The following HRH2 variants were observed in gnomAD, a reference collection of about 807,000 sequenced individuals.
HRH2 encodes histamine H2 receptor.
Under a neutral mutation model 20.1 loss-of-function variants are expected in HRH2, and 4 were observed. The ratio of observed to expected loss-of-function variants is 0.20; its 90% CI spans 0.10 to 0.45. The LOEUF (loss-of-function observed/expected upper bound fraction) is 0.45. Ranked by LOEUF, HRH2 falls within the 20% of genes least tolerant of loss-of-function variation. The pLI, the probability that HRH2 is intolerant of heterozygous loss-of-function variation, is 0.99. For synonymous variants in HRH2, 197 were observed against 200.7 expected (o/e 0.98, Z 0.16); for missense variants, 250 against 461.6 (o/e 0.54, Z 4.20).
At position 175,683,725 on chromosome 5, in the gene HRH2, C is replaced by A. The variant is rs187018887; in HGVS notation, c.492C>A (p.Thr164=). Residue 164 remains threonine (T), a synonymous_variant, in exon 2 of 3, where the codon ACC becomes ACA. Coordinates refer to ENST00000636584, the MANE Select transcript of HRH2 (RefSeq NM_001367711.1). ...TGGGGTGGAACAGCAGGAACGAGAC[C>A]AGCAAGGGCAATCATACCACCTCTA... is the stretch of plus-strand genomic sequence containing the variant. The part of the protein sequence containing the change: ...IHLGWNSRNE[T]SKGNHTTSKC... 3.2e-5 allele frequency: 52 copies of A among 1,614,162 alleles called. No individual in the cohort carries two copies. In the African/African-American group the frequency reaches 6.5e-4, roughly 20 times the overall value.
chr5:175,660,200 A>T (rs1762697731), intron 1 of HRH2, among the ~76,000 whole-genome samples: 1 of 152,226 alleles, frequency 6.6e-6, no homozygotes. Flanking sequence ...TAGAGGAAGA[A>T]ATCCCTGATG....
At chr5:175,692,568 A>G (rs1756423852) in intron 2 of HRH2, among the ~76,000 whole-genome samples, 1 of 152,262 alleles carries the variant, frequency 6.6e-6, no homozygotes, top group South Asian at 2.1e-4. Flanking sequence ...TGCCTGGCAC[A>G]GAGCAAATGC....
At position 175,681,883 on chromosome 5, in the gene HRH2, C is replaced by T. The variant is rs1214633884; in HGVS notation, c.-525-826C>T. On this transcript the variant is annotated intron_variant, in intron 1 of 2. Coordinates refer to ENST00000636584, the MANE Select transcript of HRH2 (RefSeq NM_001367711.1). This position sits in a 1 kb window ranked among gnomAD's most constrained non-coding sequence, Gnocchi z 4.3. ...GTAAGACCAGTAAGATTTAGAGATG[C>T]GTTCGGAGCAGGGGTGGCGTGGATG... Among the ~76,000 whole-genome samples the T allele has an allele frequency of 1.3e-5, 2 of 152,250 alleles. No homozygotes were observed. Among genetic ancestry groups the T allele is most frequent in the South Asian group, 2.1e-4 (1 of 4,824 alleles).
chr5:175,683,148 C>G lies in HRH2; in HGVS notation c.-86C>G. ...TTTGGATCTGTTGGGAGCTTGGAGT[C>G]CAGTGGTTGGCATAGTTGTCACATT... is the stretch of plus-strand genomic sequence containing the variant. On this transcript the variant is annotated 5_prime_UTR_variant, in exon 2 of 3. Coordinates refer to ENST00000636584, the MANE Select transcript of HRH2 (RefSeq NM_001367711.1). 7.0e-7 allele frequency: 1 copy of G among 1,419,076 alleles called. No homozygotes were observed. Among genetic ancestry groups the G allele is most frequent in the Non-Finnish European group, 9.5e-7 (1 of 1,052,682 alleles). The allele number at this position is 1,419,076 out of a possible 1,614,324, so 87.9% of individuals were successfully genotyped here.
At chr5:175,690,787 C>T (rs113184525) in intron 2 of HRH2, among the ~76,000 whole-genome samples, 12 of 152,270 alleles carry the variant, frequency 7.9e-5, no homozygotes, top group East Asian at 7.7e-4. Flanking sequence ...ACCTTCACAC[C>T]GAGGTGGCCA....
chr5:175,663,228 C>T (rs972269502), intron 1 of HRH2, among the ~76,000 whole-genome samples: 3 of 152,122 alleles, frequency 2.0e-5, no homozygotes, highest in Admixed American at 6.5e-5. Context: ...TTTGACTTGG[C>T]GCCTGTTTGA....
chr5:175,701,111 C>T (rs1756776126), intron 2 of HRH2, among the ~76,000 whole-genome samples: 2 of 152,076 alleles, frequency 1.3e-5, no homozygotes, highest in African/African-American at 2.4e-5. Flanking sequence ...CTCACATTAG[C>T]CCTGTGAGGT....
intron 2 of HRH2, among the ~76,000 whole-genome samples, chr5:175,695,380 G>C (rs1756538631): frequency 1.3e-5 from 2 of 152,142 alleles, no homozygotes. Context: ...ATAATATAGA[G>C]GCTGGAGAAC....
chr5:175,676,521 G>A (rs1304396984), intron 1 of HRH2, among the ~76,000 whole-genome samples: 4 of 152,286 alleles, frequency 2.6e-5, no homozygotes, highest in South Asian at 4.1e-4. Flanking sequence ...GCTCGTCTCC[G>A]GCTCCTGGGC....
chr5:175,658,777 T>G (rs1762648272), intron 1 of HRH2, among the ~76,000 whole-genome samples: 1 of 152,152 alleles, frequency 6.6e-6, no homozygotes, highest in Non-Finnish European at 1.5e-5. Flanking sequence ...GCTGGGGACA[T>G]CTGGACGTGG....
At chr5:175,671,069 C>T (rs572086501) in intron 1 of HRH2, among the ~76,000 whole-genome samples, 9 of 152,206 alleles carry the variant, frequency 5.9e-5, no homozygotes, top group Middle Eastern at 3.2e-3. Context: ...TATAACCAGA[C>T]GTCTAATGTC....
intron 1 of HRH2, among the ~76,000 whole-genome samples, chr5:175,672,137 G>T (rs1355945987): frequency 6.6e-6 from 1 of 152,194 alleles, no homozygotes; most frequent in African/African-American, 2.4e-5. Flanking sequence ...TTCTGCTGAG[G>T]AAACTGAGGA....
chr5:175,685,566 T>C (rs2113525129), intron 2 of HRH2: 1 of 1,266,246 alleles, frequency 7.9e-7, no homozygotes, highest in Admixed American at 2.0e-5. Context: ...TTTGGGTTTA[T>C]GGTGATGAAG....
At chr5:175,701,279 A>G (rs1480250019) in intron 2 of HRH2, among the ~76,000 whole-genome samples, 3 of 152,224 alleles carry the variant, frequency 2.0e-5, no homozygotes, top group Non-Finnish European at 4.4e-5. Flanking sequence ...TTCAAATGAC[A>G]TTTATTTAGG....
Position 175,708,393 on chromosome 5 carries a change from A to G in HRH2, c.*422A>G. 6.4e-6 allele frequency: 1 copy of G among 157,324 alleles called. No homozygotes were observed. The highest frequency in any genetic ancestry group is 1.4e-5 in the Non-Finnish European group (1 of 71,652). The allele number at this position is 157,324 out of a possible 1,614,324, so 9.7% of individuals were successfully genotyped here. A position where few individuals can be genotyped will look rare whatever the true frequency, so the allele number is the denominator to read the frequency against. On this transcript the variant is annotated 3_prime_UTR_variant, in exon 3 of 3. Transcript: ENST00000636584. The stretch of plus-strand genomic sequence containing the variant: ...ACTCCCTCATGGGTTCTGCAGGATG[A>G]AGGAAAGGAAAGGAAAAGACAGAGA...
chr5:175,664,350 G>A (rs1048679303), intron 1 of HRH2, among the ~76,000 whole-genome samples: 11 of 152,196 alleles, frequency 7.2e-5, no homozygotes, highest in Non-Finnish European at 1.0e-4. Flanking sequence ...GCAGTGCACT[G>A]AAGATACAGC....
intron 1 of HRH2, among the ~76,000 whole-genome samples, chr5:175,669,284 T>C (rs1044766765): frequency 6.6e-6 from 1 of 152,178 alleles, no homozygotes; most frequent in Admixed American, 6.6e-5. Context: ...CACCGTATAA[T>C]ATTTTTTGTT....
rs1756083870 is a variant in HRH2, at chr5:175,684,110, A to G, written c.877A>G (p.Arg293Gly). 1 of 1,614,212 alleles carries G rather than the reference A, an allele frequency of 6.2e-7. No homozygotes were observed. The highest frequency in any genetic ancestry group is 8.5e-7 in the Non-Finnish European group (1 of 1,180,036). Residue 293 changes from arginine (R) to glycine (G), a missense_variant, in exon 2 of 3, where the codon AGA becomes GGA. By Grantham distance (125) the Arg-to-Gly change is moderately radical. Around this residue, in one of 5 missense-constraint regions of HRH2, gnomAD observed 58 missense variants for 166.8 expected, o/e 0.35. Coordinates refer to ENST00000636584, the MANE Select transcript of HRH2 (RefSeq NM_001367711.1). ...LNPILYAALN[R>G]DFRTGYQQLF... Reference sequence around the variant, plus strand: ...CCCCATCCTGTATGCTGCGCTGAACAGAGACTTCCGCACCGGGTACCAACA... The same window carrying G: ...CCCCATCCTGTATGCTGCGCTGAACGGAGACTTCCGCACCGGGTACCAACA...
intron 2 of HRH2, chr5:175,685,554 T>A (rs1756142578): frequency 7.0e-7 from 1 of 1,421,230 alleles, no homozygotes; most frequent in African/African-American, 1.4e-5. Flanking sequence ...GAAATGAGAT[T>A]TTTTGGGTTT....
Sources: gnomAD v4.1 joint callset for allele counts (sites outside exome capture counted in the v4.1 genomes callset) on GRCh38, gnomAD v4.1.1 for gene constraint, gnomAD v4.1.1 regional missense constraint, Gnocchi (gnomAD v3.1) non-coding constraint, MANE v1.5 for transcripts, NCBI Gene and HGNC (gene_info 2026-07-23, HGNC 2026-07-21) for gene names.